The following MLLT10 variants were observed in gnomAD, a reference collection of about 807,000 sequenced individuals.
The protein encoded by MLLT10 is protein AF-10.
A neutral mutation model predicts 129.1 loss-of-function variants in MLLT10; 30 were observed. That is an observed-to-expected ratio of 0.23 (90% CI 0.17 to 0.32). MLLT10 has a LOEUF of 0.32. Ranked by LOEUF, MLLT10 falls within the 10% of genes least tolerant of loss-of-function variation. The pLI, the probability that MLLT10 is intolerant of heterozygous loss-of-function variation, is 1.00. For synonymous variants in MLLT10, 490 were observed against 446.4 expected, an observed-to-expected ratio of 1.10 and a Z score of -1.23; for missense variants, 1,119 against 1,268.3, an observed-to-expected ratio of 0.88 and a Z score of 1.79.
chr10:21,558,538 C>CT (rs536840867), intron 3 of MLLT10, among the ~76,000 whole-genome samples: 78 of 143,416 alleles, frequency 5.4e-4, no homozygotes, highest in Middle Eastern at 3.6e-3. Context: ...GTTTCTTCTT[C>CT]TTTTTTTTTT....
At chr10:21,581,073 T>C (rs186300821) in intron 3 of MLLT10, among the ~76,000 whole-genome samples, 69 of 142,942 alleles carry the variant, frequency 4.8e-4, no homozygotes, top group African/African-American at 1.7e-3. Flanking sequence ...TGAGACGGAG[T>C]CTTGCTCTGT....
Position 21,740,187 on chromosome 10 carries a change from C to G in MLLT10, c.3113C>G (p.Thr1038Ser). Residue 1038 changes from threonine to serine, a missense_variant, in exon 22 of 23, where the codon ACC becomes AGC. Physicochemically the swap from Thr to Ser is moderately conservative, Grantham distance 58. Coordinates refer to ENST00000307729, the MANE Select transcript of MLLT10 (RefSeq NM_001195626.3). The part of the protein sequence containing the change: ...TQAPPLHTAT[T>S]NPFLTIHGDN... ...GCACCCCCACTTCACACAGCTACCA[C>G]CAACCCATTTCTCACCATCCATGGA... 1 of 1,614,202 alleles carries G rather than the reference C, an allele frequency of 6.2e-7. No individual in the cohort carries two copies. The highest frequency in any genetic ancestry group is 8.5e-7 in the Non-Finnish European group (1 of 1,180,038).
At chr10:21,682,303 G>A (rs1465847764) in intron 13 of MLLT10, 46 bp downstream of exon 13, 3 of 1,551,628 alleles carry the variant, frequency 1.9e-6, no homozygotes, top group East Asian at 2.3e-5. Context: ...TATCACAAAG[G>A]TTGCCTTTTG....
intron 11 of MLLT10, among the ~76,000 whole-genome samples, chr10:21,675,880 C>T (rs1161229993): frequency 6.6e-6 from 1 of 152,120 alleles, no homozygotes; most frequent in Non-Finnish European, 1.5e-5. Context: ...ATTTACATCC[C>T]TGAAAATATT....
At chr10:21,584,140 A>G (rs1426109250) in intron 3 of MLLT10, among the ~76,000 whole-genome samples, 1 of 140,176 alleles carries the variant, frequency 7.1e-6, no homozygotes, top group African/African-American at 2.7e-5. Context: ...AGTGCTGGGA[A>G]TACAGGCGTC....
chr10:21,735,057 G>A, intron 20 of MLLT10, 82 bp from the exon 21 acceptor site: 1 of 979,162 alleles, frequency 1.0e-6, no homozygotes, highest in East Asian at 2.4e-5. Context: ...ACATCAAATT[G>A]AAAAGTTGTC....
chr10:21,737,320 A>G (rs1481463055), intron 21 of MLLT10, among the ~76,000 whole-genome samples: 1 of 152,186 alleles, frequency 6.6e-6, no homozygotes, highest in Non-Finnish European at 1.5e-5. Flanking sequence ...GGGCACCTCA[A>G]GACATGTCAC....
intron 8 of MLLT10, among the ~76,000 whole-genome samples, chr10:21,640,118 G>A (rs1232181115): frequency 1.3e-5 from 2 of 149,082 alleles, no homozygotes; most frequent in East Asian, 3.9e-4. Context: ...GACTTTGGGA[G>A]TTTTGACCCA....
upstream of MLLT10, chr10:21,534,147 C>T (rs1312444925): frequency 2.8e-6 from 1 of 363,048 alleles, no homozygotes; most frequent in African/African-American, 2.1e-5. Flanking sequence ...GGAGGTAGGC[C>T]GGGGGCAGCC....
chr10:21,712,955 T>C (rs1041394725), intron 13 of MLLT10, among the ~76,000 whole-genome samples: 19 of 152,356 alleles, frequency 1.2e-4, no homozygotes, highest in African/African-American at 4.6e-4. Flanking sequence ...TGTTAACTTA[T>C]GCTCATCCTC....
At chr10:21,692,824 G>A (rs1486835145) in intron 13 of MLLT10, among the ~76,000 whole-genome samples, 2 of 151,950 alleles carry the variant, frequency 1.3e-5, no homozygotes, top group African/African-American at 4.8e-5. Context: ...CAAGAGTATT[G>A]TGTTTTCTTG....
At chr10:21,643,653 C>T (rs1447117387) in intron 8 of MLLT10, among the ~76,000 whole-genome samples, 4 of 152,152 alleles carry the variant, frequency 2.6e-5, no homozygotes, top group African/African-American at 9.7e-5. Flanking sequence ...TTTATTTCTT[C>T]TAAAAACTTA....
upstream of MLLT10, among the ~76,000 whole-genome samples, chr10:21,533,814 G>A (rs2033257108): frequency 6.6e-6 from 1 of 152,168 alleles, no homozygotes; most frequent in African/African-American, 2.4e-5. Context: ...GTTTTCCACG[G>A]GCCAGTCTTG....
chr10:21,714,210 T>C (rs934052492), intron 14 of MLLT10, among the ~76,000 whole-genome samples: 29 of 152,310 alleles, frequency 1.9e-4, no homozygotes, highest in Admixed American at 3.9e-4. Flanking sequence ...AAATATACTT[T>C]CAGGGGAGCT....
At chr10:21,701,274 C>T (rs2054879347) in intron 13 of MLLT10, among the ~76,000 whole-genome samples, 2 of 142,594 alleles carry the variant, frequency 1.4e-5, no homozygotes, top group African/African-American at 2.6e-5. Flanking sequence ...ACCAATTTTT[C>T]ATTTCATTGA....
intron 4 of MLLT10, among the ~76,000 whole-genome samples, chr10:21,594,226 C>T (rs1186167467): frequency 4.6e-5 from 7 of 151,876 alleles, no homozygotes; most frequent in Non-Finnish European, 7.4e-5. Context: ...GAATGTACAT[C>T]CCTGTACTGT....
chr10:21,713,738 A>T, intron 13 of MLLT10, 34 bp from the exon 14 acceptor site: 1 of 1,579,838 alleles, frequency 6.3e-7, no homozygotes, highest in African/African-American at 1.4e-5. Flanking sequence ...TTTGACTGCT[A>T]AGTTATATTT....
intron 10 of MLLT10, among the ~76,000 whole-genome samples, chr10:21,671,919 C>T (rs2051454530): frequency 6.6e-6 from 1 of 152,054 alleles, no homozygotes; most frequent in Admixed American, 6.6e-5. Flanking sequence ...TGCCACTGCA[C>T]TCCAGCCTAG....
intron 21 of MLLT10, 77 bp downstream of exon 21, chr10:21,735,312 C>T (rs1007944093): frequency 1.6e-6 from 2 of 1,237,756 alleles, no homozygotes; most frequent in Non-Finnish European, 2.3e-6. Flanking sequence ...GTACAGATTT[C>T]TCCTTTGTGA....
Sources: gnomAD v4.1 joint callset for allele counts (sites outside exome capture counted in the v4.1 genomes callset) on GRCh38, gnomAD v4.1.1 for gene constraint, MANE v1.5 for transcripts, NCBI Gene and HGNC (gene_info 2026-07-23, HGNC 2026-07-21) for gene names.